SKI: variants seen among roughly 807,000 people sequenced by gnomAD.
The protein encoded by SKI is ski oncogene.
In SKI, 23 loss-of-function variants were observed where a neutral mutation model predicts 59.3. The observed-to-expected ratio is 0.39, with a 90% CI of 0.28 to 0.55. SKI has a LOEUF of 0.55. Among genes scored for constraint, SKI ranks in the 20% least tolerant of loss-of-function variants. The pLI is 0.67. For synonymous variants in SKI, 673 were observed against 488.6 expected (o/e 1.38, Z -4.98); for missense variants, 1,017 against 1,038.9 (o/e 0.98, Z 0.29).
chr1:2,306,487 G>A (rs2100925343), intron 6 of SKI, 90 bp from the exon 7 acceptor site: 1 of 1,342,472 alleles, frequency 7.4e-7, no homozygotes. Flanking sequence ...GAGGGACAGG[G>A]AGCGGCGCAG....
intron 1 of SKI, among the ~76,000 whole-genome samples, chr1:2,266,876 T>C (rs1029608067): frequency 3.9e-5 from 6 of 152,086 alleles, no homozygotes; most frequent in African/African-American, 1.2e-4. Context: ...AAGTTTCAGA[T>C]AGAAAGAGCG....
At chr1:2,297,978 G>A (rs551658014) in intron 1 of SKI, among the ~76,000 whole-genome samples, 3 of 152,316 alleles carry the variant, frequency 2.0e-5, no homozygotes, top group Admixed American at 6.5e-5. Context: ...GGGTGTAGCC[G>A]CAAGCTGTGG....
chr1:2,304,137 TG>T, intron 4 of SKI, 35 bp downstream of exon 4: 1 of 1,608,942 alleles, frequency 6.2e-7, no homozygotes. Flanking sequence ...CTCCTCCCTG[TG>T]GGCTGTGGGG....
rs150934009 is a variant in SKI, at chr1:2,303,041, G to A, written c.1033G>A (p.Ala345Thr). The change falls in exon 2 of 7, where the codon GCG becomes ACG. Residue 345 changes from alanine to threonine, a missense_variant. Ala to Thr is a moderately conservative substitution (Grantham distance 58, BLOSUM62 0). Coordinates refer to ENST00000378536, the MANE Select transcript of SKI (RefSeq NM_003036.4). This position sits in a 1 kb window ranked among gnomAD's most constrained non-coding sequence, Gnocchi z 5.6. ...KTDDTSSQSP[A>T]PSEKDKPSSW... The stretch of plus-strand genomic sequence containing the variant: ...AGATGACACCTCTTCCCAGTCCCCC[G>A]CGCCTTCCGAAAAGGACAAGCCGTC... The A allele has an allele frequency of 5.4e-4, 874 of 1,613,568 alleles. 1 individual carries two copies. The highest frequency in any genetic ancestry group is 7.0e-4 in the Non-Finnish European group (824 of 1,180,028).
chr1:2,252,410 C>G (rs1569726878), intron 1 of SKI, among the ~76,000 whole-genome samples: 1 of 152,144 alleles, frequency 6.6e-6, no homozygotes, highest in African/African-American at 2.4e-5. Context: ...ACTCAGCCTC[C>G]CCAGAAGCAG....
At chr1:2,257,178 C>T (rs917630868) in intron 1 of SKI, among the ~76,000 whole-genome samples, 1 of 152,260 alleles carries the variant, frequency 6.6e-6, no homozygotes, top group African/African-American at 2.4e-5. Flanking sequence ...CTGTATCTTT[C>T]TCCTGTTGCT....
chr1:2,262,964 A>G (rs374953271), intron 1 of SKI, among the ~76,000 whole-genome samples: 1 of 152,020 alleles, frequency 6.6e-6, no homozygotes, highest in South Asian at 2.1e-4. Flanking sequence ...CAATGGCGCT[A>G]TCTCGGCTCA....
At position 2,284,463 on chromosome 1, in the gene SKI, C is replaced by T. The variant is rs34196360; in HGVS notation, c.970-18515C>T. ...AAACCTAATTGGGCAACGGCAGCTC[C>T]GTGTGAAGTAGAGATTGTCTGGAAG... is the stretch of plus-strand genomic sequence containing the variant. On this transcript the variant is annotated intron_variant, in intron 1 of 6. Coordinates refer to ENST00000378536, the MANE Select transcript of SKI (RefSeq NM_003036.4). Among the ~76,000 whole-genome samples the T allele has an allele frequency of 6.1e-3, 923 of 152,252 alleles. 10 individuals are homozygous for T. Among genetic ancestry groups the T allele is most frequent in the African/African-American group, 9.3e-3 (387 of 41,562 alleles).
chr1:2,283,728 G>A (rs543991990), intron 1 of SKI, among the ~76,000 whole-genome samples: 13 of 152,332 alleles, frequency 8.5e-5, no homozygotes, highest in Admixed American at 2.0e-4. Flanking sequence ...CCCATGGCCC[G>A]GAAGTCCAGG....
chr1:2,305,905 C>G (rs1032257346), intron 5 of SKI, 115 bp from the exon 6 acceptor site: 1 of 854,406 alleles, frequency 1.2e-6, no homozygotes, highest in African/African-American at 1.7e-5. Context: ...GGGCGGGGCT[C>G]CAGGGCACAT....
intron 1 of SKI, among the ~76,000 whole-genome samples, chr1:2,247,812 G>T (rs1003830796): frequency 2.0e-5 from 3 of 152,262 alleles, no homozygotes; most frequent in Non-Finnish European, 2.9e-5. Flanking sequence ...CCCGAGTCCA[G>T]TCTGGCTCTC....
chr1:2,246,799 T>C (rs2100816634), intron 1 of SKI, among the ~76,000 whole-genome samples: 1 of 152,110 alleles, frequency 6.6e-6, no homozygotes, highest in East Asian at 1.9e-4. Context: ...TGCTCTTCTG[T>C]GAAGGGGCAC....
intron 1 of SKI, among the ~76,000 whole-genome samples, chr1:2,296,390 C>T (rs749488751): frequency 9.9e-5 from 15 of 152,012 alleles, no homozygotes; most frequent in Non-Finnish European, 1.8e-4. Context: ...AGCAAGACTC[C>T]GTCTCAAAAA....
intron 1 of SKI, among the ~76,000 whole-genome samples, chr1:2,284,707 C>A (rs986579700): frequency 1.3e-5 from 2 of 152,180 alleles, no homozygotes; most frequent in African/African-American, 4.8e-5. Flanking sequence ...CCCTCCCTGG[C>A]CCCTGGGTGG....
rs370719735 is a variant in SKI, at chr1:2,253,344, C to T, written c.969+23609C>T. ...GCCGGTATCACGGGCTCCAGCACAGCGGGCAAAAGGTGGGAGGCTCCCCAG... is the reference window on the plus strand; with the variant it reads ...GCCGGTATCACGGGCTCCAGCACAGTGGGCAAAAGGTGGGAGGCTCCCCAG... On this transcript the variant is annotated intron_variant, in intron 1 of 6. Transcript: ENST00000378536. 2.4e-4 allele frequency among the ~76,000 whole-genome samples: 37 copies of T among 152,246 alleles called. No homozygotes were observed. The South Asian group carries it at 6.2e-3, about 26-fold the overall frequency.
At chr1:2,275,812 C>G (rs1314043639) in intron 1 of SKI, among the ~76,000 whole-genome samples, 3 of 152,166 alleles carry the variant, frequency 2.0e-5, no homozygotes, top group African/African-American at 2.4e-5. Flanking sequence ...CACTGGCCAG[C>G]GTTTATCTTT....
At chr1:2,288,952 C>T (rs13374344) in intron 1 of SKI, among the ~76,000 whole-genome samples, 9,185 of 152,282 alleles carry the variant, frequency 0.06, 868 homozygotes, top group African/African-American at 0.2. Context: ...CTCCAGGTGA[C>T]GGGAGCTGCC....
intron 1 of SKI, among the ~76,000 whole-genome samples, chr1:2,243,656 C>T (rs762847734): frequency 6.6e-5 from 10 of 152,146 alleles, no homozygotes; most frequent in African/African-American, 2.2e-4. Context: ...TCTTCCAAAG[C>T]GTCCCAACAC....
chr1:2,237,350 C>T (rs1183035744), intron 1 of SKI, among the ~76,000 whole-genome samples: 7 of 152,222 alleles, frequency 4.6e-5, no homozygotes, highest in Admixed American at 3.3e-4. Context: ...CTCCTGGCTG[C>T]TGTGGTTCCT....
Sources: gnomAD v4.1 joint callset for allele counts (sites outside exome capture counted in the v4.1 genomes callset) on GRCh38, gnomAD v4.1.1 for gene constraint, Gnocchi (gnomAD v3.1) non-coding constraint, MANE v1.5 for transcripts, NCBI Gene and HGNC (gene_info 2026-07-23, HGNC 2026-07-21) for gene names.